Variants in KCNH1 observed in about 807,000 individuals in gnomAD.
KCNH1 encodes the protein voltage-gated delayed rectifier potassium channel KCNH1.
Under a neutral mutation model 69.2 loss-of-function variants are expected in KCNH1, and 27 were observed. The observed-to-expected ratio is 0.39, with a 90% CI of 0.29 to 0.54. The LOEUF is 0.54. Among genes scored for constraint, KCNH1 ranks in the 20% least tolerant of loss-of-function variants. The pLI, the probability that KCNH1 is intolerant of heterozygous loss-of-function variation, is 0.68. For missense variants in KCNH1, 798 were observed against 1,261.6 expected (o/e 0.63, Z 5.57); for synonymous variants, 456 against 487.7 (o/e 0.93, Z 0.86).
At chr1:211,037,849 A>C (rs1042566423) in intron 5 of KCNH1, among the ~76,000 whole-genome samples, 3 of 152,114 alleles carry the variant, frequency 2.0e-5, no homozygotes, top group Admixed American at 2.0e-4. Flanking sequence ...GACCCAAAGG[A>C]AGGTAAGTGA....
At chr1:210,882,839 C>T (rs1184411089) in intron 7 of KCNH1, among the ~76,000 whole-genome samples, 2 of 152,194 alleles carry the variant, frequency 1.3e-5, no homozygotes, top group African/African-American at 4.8e-5. Context: ...TTAGAAGCCA[C>T]ATCAGGCAAA....
chr1:210,856,295 A>T (rs1344697865), intron 7 of KCNH1, among the ~76,000 whole-genome samples: 1 of 152,196 alleles, frequency 6.6e-6, no homozygotes, highest in Non-Finnish European at 1.5e-5. Flanking sequence ...TCCCACTCAC[A>T]TAATGCCAAA....
intron 5 of KCNH1, among the ~76,000 whole-genome samples, chr1:211,057,313 T>C (rs1429245393): frequency 6.6e-6 from 1 of 152,026 alleles, no homozygotes; most frequent in Non-Finnish European, 1.5e-5. Context: ...GACAGGCTAT[T>C]TGAAAATACA....
intron 5 of KCNH1, among the ~76,000 whole-genome samples, chr1:211,054,938 A>T (rs1690276486): frequency 6.6e-6 from 1 of 152,178 alleles, no homozygotes; most frequent in South Asian, 2.1e-4. Context: ...CCAGAATAAT[A>T]GCAGGCATAT....
At chr1:210,897,069 C>T (rs573634853) in intron 7 of KCNH1, among the ~76,000 whole-genome samples, 2 of 152,290 alleles carry the variant, frequency 1.3e-5, no homozygotes, top group South Asian at 4.1e-4. Flanking sequence ...GGGCTTTGCT[C>T]CACTCACAAT....
chr1:210,773,648 C>G (rs565668185), intron 10 of KCNH1, among the ~76,000 whole-genome samples: 1 of 125,332 alleles, frequency 8.0e-6, no homozygotes, highest in Non-Finnish European at 1.7e-5. Context: ...GTTAGGCAAA[C>G]TCATTCTTTG....
intron 6 of KCNH1, among the ~76,000 whole-genome samples, chr1:210,923,178 A>C (rs1687501055): frequency 6.6e-6 from 1 of 152,264 alleles, no homozygotes; most frequent in Non-Finnish European, 1.5e-5. Flanking sequence ...TGAGAGATAC[A>C]AGACATGATA....
intron 10 of KCNH1, among the ~76,000 whole-genome samples, chr1:210,757,742 C>CT (rs1683430240): frequency 6.6e-6 from 1 of 152,238 alleles, no homozygotes; most frequent in Non-Finnish European, 1.5e-5. Flanking sequence ...TCAGGAGGAT[C>CT]ATTCTGCTCC....
rs192443047 is a variant in KCNH1 at position 211,097,844 on chromosome 1, C to T, written c.310+5652G>A. 3.5e-4 allele frequency among the ~76,000 whole-genome samples: 53 copies of T among 152,332 alleles called. No individual in the cohort carries two copies. The East Asian group carries it at 9.8e-3, about 28-fold the overall frequency. Reference sequence around the variant, plus strand: ...AGCTCCCAGATTCCAGGCCGCCAGCCACACCACAAATTGTGGAGTCACATG... The same window carrying T: ...AGCTCCCAGATTCCAGGCCGCCAGCTACACCACAAATTGTGGAGTCACATG... On this transcript the variant is annotated intron_variant, in intron 3 of 10. Coordinates refer to ENST00000271751, the MANE Select transcript of KCNH1 (RefSeq NM_172362.3).
At chr1:211,131,613 A>C (rs576717398) in intron 1 of KCNH1, among the ~76,000 whole-genome samples, 21 of 152,338 alleles carry the variant, frequency 1.4e-4, no homozygotes, top group African/African-American at 5.1e-4. Context: ...GAGACAATCA[A>C]TATCTTTAAA....
chr1:210,813,333 G>A (rs1253037275), intron 7 of KCNH1, among the ~76,000 whole-genome samples: 1 of 152,148 alleles, frequency 6.6e-6, no homozygotes, highest in South Asian at 2.1e-4. Flanking sequence ...GGCCTTCAAA[G>A]GAATCTCTAA....
At chr1:210,849,023 C>T (rs1044477149) in intron 7 of KCNH1, among the ~76,000 whole-genome samples, 7 of 152,106 alleles carry the variant, frequency 4.6e-5, no homozygotes, top group Admixed American at 6.6e-5. Context: ...TTAAGTAGTA[C>T]ACTAAAAGGC....
intron 10 of KCNH1, among the ~76,000 whole-genome samples, chr1:210,745,043 A>AAAT (rs1218961210): frequency 6.6e-6 from 1 of 152,184 alleles, no homozygotes; most frequent in Non-Finnish European, 1.5e-5. Context: ...TCTCTACTAA[A>AAAT]AATACAAAAA....
At chr1:210,911,125 A>C (rs1039526909) in intron 7 of KCNH1, among the ~76,000 whole-genome samples, 1 of 152,154 alleles carries the variant, frequency 6.6e-6, no homozygotes, top group Non-Finnish European at 1.5e-5. Flanking sequence ...ACAGCCCCTG[A>C]CCTAAGCTGC....
chr1:211,060,522 A>G (rs937717024), intron 5 of KCNH1, among the ~76,000 whole-genome samples: 17 of 151,552 alleles, frequency 1.1e-4, no homozygotes, highest in African/African-American at 4.1e-4. Flanking sequence ...GAAAAACAAT[A>G]TAAAAGAGAA....
At chr1:210,747,717 T>C (rs1292659541) in intron 10 of KCNH1, among the ~76,000 whole-genome samples, 1 of 152,124 alleles carries the variant, frequency 6.6e-6, no homozygotes, top group Admixed American at 6.6e-5. Context: ...CTTGAATGGC[T>C]TGAATGTAAT....
chr1:211,067,786 C>T (rs1046740144), intron 5 of KCNH1, among the ~76,000 whole-genome samples: 4 of 152,146 alleles, frequency 2.6e-5, no homozygotes, highest in African/African-American at 9.7e-5. Flanking sequence ...GGAATTGCCC[C>T]AAATGAGAAA....
chr1:210,862,621 A>T (rs1468314968), intron 7 of KCNH1, among the ~76,000 whole-genome samples: 1 of 152,218 alleles, frequency 6.6e-6, no homozygotes, highest in Non-Finnish European at 1.5e-5. Flanking sequence ...AGCCTGAGTC[A>T]CCATGCCTGG....
At chr1:210,780,843 A>C (rs977349754) in intron 9 of KCNH1, among the ~76,000 whole-genome samples, 10 of 152,262 alleles carry the variant, frequency 6.6e-5, no homozygotes, top group Middle Eastern at 3.4e-3. Context: ...GTCAGGAGAT[A>C]GAGACCATCC....
Sources: allele counts gnomAD v4.1 joint callset (sites outside exome capture counted in the v4.1 genomes callset), GRCh38; gene constraint gnomAD v4.1.1; transcripts MANE v1.5; gene names NCBI Gene and HGNC (gene_info 2026-07-23, HGNC 2026-07-21).